The following TTC27 variants were observed in gnomAD, a reference collection of about 807,000 sequenced individuals.
TTC27 encodes tetratricopeptide repeat domain 27.
In TTC27, 79 loss-of-function variants were observed where a neutral mutation model predicts 115.9. That is an observed-to-expected ratio of 0.68 (90% CI 0.57 to 0.82). The LOEUF (loss-of-function observed/expected upper bound fraction) is 0.82, where lower values mean the gene tolerates loss of function less well. TTC27 is among the 40% of genes least tolerant of loss of function. The pLI, the probability that TTC27 is intolerant of heterozygous loss-of-function variation, is 0.00. For missense variants in TTC27, 1,054 were observed against 993.1 expected (o/e 1.06, Z -0.82); for synonymous variants, 401 against 356.0 (o/e 1.13, Z -1.42).
chr2:32,658,780 T>C (rs141788106), intron 5 of TTC27, among the ~76,000 whole-genome samples: 7 of 152,320 alleles, frequency 4.6e-5, no homozygotes, highest in Admixed American at 3.3e-4. Flanking sequence ...CTAGCCTGTC[T>C]TTATATGTAG....
intron 7 of TTC27, 114 bp from the exon 8 acceptor site, chr2:32,672,158 A>G (rs1466380822): frequency 5.9e-6 from 4 of 681,898 alleles, no homozygotes; most frequent in South Asian, 5.7e-5. Flanking sequence ...CCTATTGACC[A>G]TATGTCAAAC....
intron 12 of TTC27, among the ~76,000 whole-genome samples, chr2:32,739,473 A>T (rs1405436571): frequency 2.0e-5 from 3 of 152,162 alleles, no homozygotes; most frequent in Admixed American, 1.3e-4. Context: ...AGTTGTGATG[A>T]TTATTATTTT....
chr2:32,724,967 G>A (rs200182277), intron 10 of TTC27, among the ~76,000 whole-genome samples: 1 of 152,164 alleles, frequency 6.6e-6, no homozygotes, highest in African/African-American at 2.4e-5. Context: ...TTACGTGGAT[G>A]GCAGCAGACA....
At chr2:32,721,259 C>T (rs954593453) in intron 10 of TTC27, among the ~76,000 whole-genome samples, 2 of 152,000 alleles carry the variant, frequency 1.3e-5, no homozygotes, top group African/African-American at 2.4e-5. Context: ...AAGAACAGGT[C>T]GCAATGAGGA....
chr2:32,738,093 T>C (rs527742859), intron 12 of TTC27, among the ~76,000 whole-genome samples: 2 of 152,296 alleles, frequency 1.3e-5, no homozygotes, highest in African/African-American at 4.8e-5. Flanking sequence ...TCCCTCCTTT[T>C]GTAAATGAGG....
chr2:32,728,927 G>A (rs944021458), intron 10 of TTC27, among the ~76,000 whole-genome samples: 1 of 152,102 alleles, frequency 6.6e-6, no homozygotes, highest in South Asian at 2.1e-4. Context: ...GCAGACTCCT[G>A]TTAGAGAAAG....
intron 5 of TTC27, among the ~76,000 whole-genome samples, chr2:32,652,618 A>G (rs976750727): frequency 1.3e-5 from 2 of 152,160 alleles, no homozygotes; most frequent in African/African-American, 4.8e-5. Flanking sequence ...GTTCTAGGCT[A>G]ATCAACGGCA....
intron 13 of TTC27, among the ~76,000 whole-genome samples, chr2:32,760,439 C>T (rs555974896): frequency 6.6e-5 from 10 of 152,208 alleles, no homozygotes; most frequent in African/African-American, 2.2e-4. Context: ...CTACTGACAT[C>T]GAGTGGGTGG....
chr2:32,767,509 C>T (rs192812759), intron 13 of TTC27, among the ~76,000 whole-genome samples: 100 of 134,700 alleles, frequency 7.4e-4, no homozygotes, highest in African/African-American at 2.5e-3. Flanking sequence ...CCAAGGACTG[C>T]GGACTGCAGT....
chr2:32,799,797 G>C (rs1006940223), intron 16 of TTC27, among the ~76,000 whole-genome samples: 19 of 152,230 alleles, frequency 1.2e-4, no homozygotes, highest in African/African-American at 4.6e-4. Context: ...TAATAATGAT[G>C]GCATTTTAAA....
intron 9 of TTC27, among the ~76,000 whole-genome samples, chr2:32,692,538 A>T (rs1365636737): frequency 6.6e-6 from 1 of 152,210 alleles, no homozygotes; most frequent in Non-Finnish European, 1.5e-5. Flanking sequence ...TGTGTTTAAA[A>T]ATTGTTAAAA....
intron 15 of TTC27, among the ~76,000 whole-genome samples, chr2:32,783,129 T>C (rs1314804110): frequency 6.6e-6 from 1 of 152,170 alleles, no homozygotes; most frequent in South Asian, 2.1e-4. Context: ...AAAAATTGAT[T>C]AGTATATAAG....
Position 32,634,802 on chromosome 2 carries a change from G to A in TTC27, c.396+797G>A, listed in dbSNP as rs186732743. 3.0e-3 allele frequency among the ~76,000 whole-genome samples: 454 copies of A among 151,806 alleles called. 3 individuals carry two copies. Among genetic ancestry groups the A allele is most frequent in the African/African-American group, 9.3e-3 (386 of 41,414 alleles). ...CTCCCTAGTAGCTGGGATTACAGGC[G>A]TGTGCTACCACACTTGGCTAATTTT... On this transcript the variant is annotated intron_variant, in intron 3 of 19. Coordinates refer to ENST00000317907, the MANE Select transcript of TTC27 (RefSeq NM_017735.5).
chr2:32,730,769 G>A (rs1345694559), intron 10 of TTC27, among the ~76,000 whole-genome samples: 1 of 151,708 alleles, frequency 6.6e-6, no homozygotes, highest in South Asian at 2.1e-4. Flanking sequence ...TTACAGGCCT[G>A]CGCCACCACA....
At position 32,777,890 on chromosome 2, in the gene TTC27, G is replaced by T. The variant is rs2148013108; in HGVS notation, c.1689G>T (p.Val563=). The T allele has an allele frequency of 6.2e-7, 1 of 1,614,070 alleles. No homozygotes were observed. Among genetic ancestry groups the T allele is most frequent in the Non-Finnish European group, 8.5e-7 (1 of 1,179,992 alleles). Residue 563 remains valine (V), a synonymous_variant, in exon 14 of 20, where the codon GTG becomes GTT. Coordinates refer to ENST00000317907, the MANE Select transcript of TTC27 (RefSeq NM_017735.5). ...ACTTTTGGTCTTTGCAGCTCGGGGT[G>T]TGGTTTTCTCTCGGTTGTGCCTATT... ...SVKINPMQLG[V]WFSLGCAYLA... is the part of the protein sequence containing the mutation.
intron 5 of TTC27, 105 bp downstream of exon 5, chr2:32,650,338 C>G: frequency 1.2e-5 from 4 of 344,810 alleles, no homozygotes; most frequent in South Asian, 6.3e-5. Flanking sequence ...AGTGCCTTTT[C>G]GTTTTGAGTT....
intron 9 of TTC27, among the ~76,000 whole-genome samples, chr2:32,701,387 G>A (rs747484409): frequency 6.6e-6 from 1 of 152,164 alleles, no homozygotes; most frequent in Non-Finnish European, 1.5e-5. Context: ...CTATTTAAAT[G>A]AGCACAAGTT....
intron 9 of TTC27, among the ~76,000 whole-genome samples, chr2:32,693,442 C>T (rs994617301): frequency 6.6e-6 from 1 of 152,200 alleles, no homozygotes; most frequent in African/African-American, 2.4e-5. Flanking sequence ...TGTGTTTTAA[C>T]AAGCTCTTGA....
chr2:32,803,812 C>A (rs998819263), intron 16 of TTC27, among the ~76,000 whole-genome samples: 1 of 152,000 alleles, frequency 6.6e-6, no homozygotes, highest in Non-Finnish European at 1.5e-5. Flanking sequence ...GAATGACCAG[C>A]CTGGCCAACA....
Sources: allele counts gnomAD v4.1 joint callset (sites outside exome capture counted in the v4.1 genomes callset), GRCh38; gene constraint gnomAD v4.1.1; transcripts MANE v1.5; gene names NCBI Gene and HGNC (gene_info 2026-07-23, HGNC 2026-07-21).